Variants in PUS10 observed in about 807,000 individuals in gnomAD.
PUS10 encodes the protein tRNA pseudouridine synthase Pus10.
Under a neutral mutation model 75.0 loss-of-function variants are expected in PUS10, and 59 were observed. The ratio of observed to expected loss-of-function variants is 0.79; its 90% CI spans 0.64 to 0.98. The LOEUF (loss-of-function observed/expected upper bound fraction) is 0.98. Among genes scored for constraint, PUS10 ranks in the 50% least tolerant of loss-of-function variants. PUS10 has a pLI of 0.00. For missense variants in PUS10, 650 were observed against 614.4 expected, an observed-to-expected ratio of 1.06 and a Z score of -0.61; for synonymous variants, 219 against 211.6, an observed-to-expected ratio of 1.03 and a Z score of -0.30.
chr2:60,954,966 G>C, intron 12 of PUS10, 52 bp downstream of exon 12: 1 of 1,225,992 alleles, frequency 8.2e-7, no homozygotes, highest in South Asian at 1.4e-5. Flanking sequence ...TGTCTAGAAA[G>C]GATGATAATC....
At chr2:60,998,874 C>T (rs188499052) in intron 4 of PUS10, 41 of 152,040 alleles carry the variant, frequency 2.7e-4, no homozygotes, top group African/African-American at 9.2e-4. Flanking sequence ...AGCTAATTTT[C>T]TAGGGTCATG....
At chr2:60,970,041 G>A (rs1335890587) in intron 5 of PUS10, among the ~76,000 whole-genome samples, 2 of 151,910 alleles carry the variant, frequency 1.3e-5, no homozygotes, top group Non-Finnish European at 2.9e-5. Context: ...GCAATTAGCC[G>A]AGATTGCACC....
At chr2:60,981,738 T>C (rs183812114) in intron 4 of PUS10, among the ~76,000 whole-genome samples, 56 of 152,332 alleles carry the variant, frequency 3.7e-4, no homozygotes, top group Non-Finnish European at 7.3e-4. Flanking sequence ...CTCTTTAATA[T>C]ACATCTTAAT....
intron 16 of PUS10, among the ~76,000 whole-genome samples, chr2:60,946,692 T>A (rs1193054229): frequency 1.3e-5 from 2 of 152,092 alleles, no homozygotes. Context: ...CTTAGCTGAG[T>A]AAATCCAGGT....
intron 4 of PUS10, among the ~76,000 whole-genome samples, chr2:60,975,680 AAAAAG>A (rs1054030070): frequency 3.3e-5 from 5 of 151,890 alleles, no homozygotes; most frequent in African/African-American, 1.2e-4. Context: ...AAAAAAAAAA[AAAAAG>A]AATAATGGTC....
At chr2:60,969,023 T>A (rs1294064698) in intron 5 of PUS10, among the ~76,000 whole-genome samples, 1 of 152,322 alleles carries the variant, frequency 6.6e-6, no homozygotes, top group Middle Eastern at 3.4e-3. Context: ...AAATACATTT[T>A]AAAGAATAAA....
At chr2:61,004,479 A>G (rs1679067314) in intron 4 of PUS10, among the ~76,000 whole-genome samples, 1 of 152,024 alleles carries the variant, frequency 6.6e-6, no homozygotes, top group South Asian at 2.1e-4. Flanking sequence ...ACTACAAAAA[A>G]TTAGCCGGGC....
intron 1 of PUS10, chr2:61,017,772 C>T (rs1680104734): frequency 1.9e-6 from 3 of 1,549,398 alleles, no homozygotes; most frequent in African/African-American, 1.4e-5. Flanking sequence ...GGCGTCCCAG[C>T]CGCCACCTCC....
At position 60,941,761 on chromosome 2, in the gene PUS10, T is replaced by C. The variant is rs1272973366; in HGVS notation, c.*634A>G. ...ACTTTCCCTCCACAGGAAACCTATATTGACAATTTTAGATTGTCAAAATTC... is the reference window on the plus strand; with the variant it reads ...ACTTTCCCTCCACAGGAAACCTATACTGACAATTTTAGATTGTCAAAATTC... On this transcript the variant is annotated 3_prime_UTR_variant, in exon 18 of 18. Coordinates refer to ENST00000316752, the MANE Select transcript of PUS10 (RefSeq NM_144709.4). 3 of 152,308 alleles carry C rather than the reference T, an allele frequency of 2.0e-5. No homozygotes were observed. The highest frequency in any genetic ancestry group is 7.2e-5 in the African/African-American group (3 of 41,450). The allele number at this position is 152,308 out of a possible 1,614,324, so 9.4% of individuals were successfully genotyped here.
At chr2:60,993,027 G>T (rs969905209) in intron 4 of PUS10, among the ~76,000 whole-genome samples, 2 of 152,206 alleles carry the variant, frequency 1.3e-5, no homozygotes, top group Non-Finnish European at 2.9e-5. Context: ...TGGCTCTGGA[G>T]ACTGCCATAT....
intron 10 of PUS10, among the ~76,000 whole-genome samples, chr2:60,960,765 G>A (rs1028290253): frequency 6.8e-6 from 1 of 147,654 alleles, no homozygotes; most frequent in South Asian, 2.3e-4. Flanking sequence ...CATCAAATGA[G>A]TTTGAAAGGA....
At chr2:60,951,838 C>A (rs1486349473) in intron 15 of PUS10, among the ~76,000 whole-genome samples, 1 of 152,152 alleles carries the variant, frequency 6.6e-6, no homozygotes, top group East Asian at 1.9e-4. Context: ...TACCAGAAAC[C>A]TTTTCCTGTG....
At chr2:61,007,022 T>G (rs1215089962) in intron 3 of PUS10, among the ~76,000 whole-genome samples, 1 of 152,222 alleles carries the variant, frequency 6.6e-6, no homozygotes. Flanking sequence ...GTACCACTAG[T>G]CTTTTCAGGA....
At chr2:60,987,172 A>G (rs1310983223) in intron 4 of PUS10, among the ~76,000 whole-genome samples, 1 of 152,252 alleles carries the variant, frequency 6.6e-6, no homozygotes, top group Non-Finnish European at 1.5e-5. Context: ...ATGGAACAGT[A>G]TCTGCAGTGG....
At chr2:60,971,474 G>A (rs372796670) in intron 5 of PUS10, 49 bp downstream of exon 5, 2 of 1,512,552 alleles carry the variant, frequency 1.3e-6, no homozygotes, top group Non-Finnish European at 1.8e-6. Context: ...TAAGAACCAG[G>A]TAGCTTGTAT....
intron 1 of PUS10, among the ~76,000 whole-genome samples, chr2:61,015,374 C>G (rs900549885): frequency 6.6e-6 from 1 of 152,072 alleles, no homozygotes. Context: ...GAGGTGTGCA[C>G]CTGTAATCCC....
intron 15 of PUS10, 61 bp from the exon 16 acceptor site, chr2:60,948,246 C>A: frequency 6.5e-7 from 1 of 1,540,050 alleles, no homozygotes; most frequent in Non-Finnish European, 9.0e-7. Context: ...TGAATCCTGT[C>A]TTAGCCCTTC....
chr2:60,993,182 C>A (rs1158402650), intron 4 of PUS10, among the ~76,000 whole-genome samples: 1 of 152,086 alleles, frequency 6.6e-6, no homozygotes, highest in South Asian at 2.1e-4. Flanking sequence ...CCAGGCCAGG[C>A]GCAGTGGCTC....
chr2:60,994,798 T>G (rs1678340429), intron 4 of PUS10, among the ~76,000 whole-genome samples: 1 of 152,158 alleles, frequency 6.6e-6, no homozygotes, highest in Non-Finnish European at 1.5e-5. Flanking sequence ...CCTTTTGAAA[T>G]CTGACCAAGG....
Sources: allele counts gnomAD v4.1 joint callset (sites outside exome capture counted in the v4.1 genomes callset), GRCh38; gene constraint gnomAD v4.1.1; transcripts MANE v1.5; gene names NCBI Gene and HGNC (gene_info 2026-07-23, HGNC 2026-07-21).